The following SERHL2 variants were observed in gnomAD, a reference collection of about 807,000 sequenced individuals.
SERHL2 encodes serine hydrolase like 2.
Under a neutral mutation model 25.5 loss-of-function variants are expected in SERHL2, and 29 were observed. The ratio of observed to expected loss-of-function variants is 1.14; its 90% CI spans 0.85 to 1.55. The LOEUF is 1.55. Among genes scored for constraint, SERHL2 ranks in the 40% most tolerant of loss-of-function variants. The pLI is 0.00. For synonymous variants in SERHL2, 95 were observed against 103.5 expected (o/e 0.92, Z 0.50); for missense variants, 240 against 252.3 (o/e 0.95, Z 0.33).
intron 9 of SERHL2, among the ~76,000 whole-genome samples, chr22:42,568,293 G>A (rs865827506): frequency 6.6e-6 from 1 of 151,624 alleles, no homozygotes. Context: ...AAAGTACTGG[G>A]ATTACAGGTG....
chr22:42,554,076 T>A (rs776749120), intron 1 of SERHL2, 34 bp downstream of exon 1: 2 of 1,610,586 alleles, frequency 1.2e-6, no homozygotes, highest in Non-Finnish European at 1.7e-6. Flanking sequence ...AGCGTCCCAC[T>A]GCCCACCCAC....
At chr22:42,567,462 A>G (rs929850336) in intron 9 of SERHL2, among the ~76,000 whole-genome samples, 11 of 151,644 alleles carry the variant, frequency 7.3e-5, no homozygotes, top group Non-Finnish European at 1.2e-4. Context: ...CAGGAGATCG[A>G]GACCATCCTG....
At chr22:42,560,071 C>T (rs936437321) in intron 7 of SERHL2, 115 bp from the exon 8 acceptor site, 4 of 764,594 alleles carry the variant, frequency 5.2e-6, no homozygotes, top group Admixed American at 4.0e-5. Flanking sequence ...CTTGTCCTCC[C>T]AAAGTGCTGG....
intron 7 of SERHL2, among the ~76,000 whole-genome samples, chr22:42,559,416 C>G (rs1922386789): frequency 6.6e-6 from 1 of 151,180 alleles, no homozygotes; most frequent in South Asian, 2.1e-4. Context: ...AATTAGAATA[C>G]AAGGTCCAGG....
intron 8 of SERHL2, among the ~76,000 whole-genome samples, chr22:42,565,678 C>T (rs1224442730): frequency 6.6e-6 from 1 of 151,156 alleles, no homozygotes; most frequent in Non-Finnish European, 1.5e-5. Flanking sequence ...CCATTGCCCA[C>T]GCTGGTCTCA....
chr22:42,573,574 G>C (rs1211404930), intron 11 of SERHL2: 1 of 233,720 alleles, frequency 4.3e-6, no homozygotes, highest in Non-Finnish European at 8.4e-6. Flanking sequence ...CTGGCTTCTT[G>C]AAGGCAGACA....
chr22:42,573,499 T>A lies in SERHL2; in HGVS notation c.826-437T>A, dbSNP rs878991679. 4.2e-5 allele frequency: 7 copies of A among 167,144 alleles called. No individual in the cohort carries two copies. The South Asian group carries it at 6.2e-4, about 15-fold the overall frequency. The allele number at this position is 167,144 out of a possible 1,614,324, so 10.4% of individuals were successfully genotyped here. ...ACCTCGTGATCCGCCCACCTTGGCC[T>A]CCCGCCTGCCTTGGCCTCCCAAAGT... On this transcript the variant is annotated intron_variant, in intron 11 of 11. Coordinates refer to ENST00000327678, the MANE Select transcript of SERHL2 (RefSeq NM_014509.5).
chr22:42,560,696 G>A (rs886441497), intron 8 of SERHL2, among the ~76,000 whole-genome samples: 1 of 151,944 alleles, frequency 6.6e-6, no homozygotes. Flanking sequence ...TGGCACAAGC[G>A]ATTTGTGTAC....
rs553420266 is a variant in SERHL2, at chr22:42,567,721, T to TTTATTATTA, written c.648+1401_648+1409dup. 2.2e-3 allele frequency among the ~76,000 whole-genome samples: 291 copies of TTTATTATTA among 132,084 alleles called. 1 individual carries two copies. Among genetic ancestry groups the TTTATTATTA allele is most frequent in the African/African-American group, 7.1e-3 (285 of 40,082 alleles). 86.7% of individuals were successfully genotyped at this position (132,084 alleles called of 152,430 possible). On this transcript the variant is annotated intron_variant, in intron 9 of 11. Transcript: ENST00000327678. ...AATAAAAGTTCGATTTTTCTTTAAT[T>TTTATTATTA]TTATTATTATTATTATTATTATTAT...
intron 8 of SERHL2, among the ~76,000 whole-genome samples, chr22:42,564,351 T>G (rs12628267): frequency 0.1 from 15,314 of 151,670 alleles, 1,595 homozygotes; most frequent in East Asian, 0.59. Flanking sequence ...AATGCCCATC[T>G]GTACTTGGGT....
intron 1 of SERHL2, 116 bp downstream of exon 1, chr22:42,554,158 C>T (rs1601825011): frequency 7.8e-7 from 1 of 1,274,548 alleles, no homozygotes; most frequent in East Asian, 2.6e-5. Context: ...CTGGGTGTCG[C>T]AGCTCCTTCC....
chr22:42,573,759 T>G (rs371222736), intron 11 of SERHL2, 177 bp from the exon 12 acceptor site: 26 of 707,376 alleles, frequency 3.7e-5, no homozygotes, highest in Non-Finnish European at 1.5e-5. Context: ...AGACACCTCC[T>G]GGGGTGCTAT....
At chr22:42,570,518 A>C (rs1569283487) in intron 9 of SERHL2, among the ~76,000 whole-genome samples, 1 of 152,186 alleles carries the variant, frequency 6.6e-6, no homozygotes. Context: ...TTTGCATGCT[A>C]AGTTTTCCAA....
intron 6 of SERHL2, among the ~76,000 whole-genome samples, chr22:42,557,557 CAAAAAAAAAAAAAA>C (rs3046378): frequency 4.4e-5 from 2 of 45,500 alleles, no homozygotes; most frequent in Non-Finnish European, 1.3e-4. Flanking sequence ...CTCCGTCTCC[CAAAAAAAAAAAAAA>C]AAAAAAAAAA....
intron 9 of SERHL2, chr22:42,569,556 A>C (rs1170110407): frequency 6.6e-6 from 1 of 151,854 alleles, no homozygotes; most frequent in Non-Finnish European, 1.5e-5. Context: ...GACTGTGCCC[A>C]GTCTAATTTT....
At chr22:42,560,452 C>T (rs943229615) in intron 8 of SERHL2, among the ~76,000 whole-genome samples, 187 bp downstream of exon 8, 14 of 151,950 alleles carry the variant, frequency 9.2e-5, no homozygotes, top group Admixed American at 7.2e-4. Context: ...TGCCAAGCAA[C>T]CCGGGTGAGG....
Position 42,572,627 on chromosome 22 carries a change from G to GC in SERHL2, c.825+103dup, listed in dbSNP as rs1924391739. 3 of 1,496,604 alleles carry GC rather than the reference G, an allele frequency of 2.0e-6. No homozygotes were observed. The East Asian group carries it at 7.2e-5, about 36-fold the overall frequency. The allele number at this position is 1,496,604 out of a possible 1,614,324, so 92.7% of individuals were successfully genotyped here. On this transcript the variant is annotated intron_variant, in intron 11 of 11. Coordinates refer to ENST00000327678, the MANE Select transcript of SERHL2 (RefSeq NM_014509.5). ...CATGCACTGGGAAGACCCTGGGTCT[G>GC]CCCCCAGGCCCAACAAGTGACCACC...
chr22:42,572,285 C>A (rs928789462), intron 10 of SERHL2, 151 bp from the exon 11 acceptor site: 34 of 559,988 alleles, frequency 6.1e-5, no homozygotes, highest in Non-Finnish European at 4.9e-5. Flanking sequence ...AGCCTCAAAT[C>A]CAACCCAGGG....
At chr22:42,572,625 CTGCCCCCAGGCCCAACAAG>C in intron 11 of SERHL2, 96 bp downstream of exon 11, 1 of 1,514,890 alleles carries the variant, frequency 6.6e-7, no homozygotes, top group African/African-American at 1.4e-5. Flanking sequence ...GACCCTGGGT[CTGCCCCCAGGCCCAACAAG>C]TGACCACCAG....
Sources: gnomAD v4.1 joint callset for allele counts (sites outside exome capture counted in the v4.1 genomes callset) on GRCh38, gnomAD v4.1.1 for gene constraint, MANE v1.5 for transcripts, NCBI Gene and HGNC (gene_info 2026-07-23, HGNC 2026-07-21) for gene names.